The following CCDC192 variants were observed in gnomAD, a reference collection of about 807,000 sequenced individuals.
CCDC192 encodes coiled-coil domain-containing protein 192.
intron 6 of CCDC192, among the ~76,000 whole-genome samples, chr5:127,917,537 T>C (rs1753558374): frequency 6.6e-6 from 1 of 152,202 alleles, no homozygotes; most frequent in Admixed American, 6.5e-5. Context: ...AAAAGCCATT[T>C]AAGGGTTATT....
At chr5:127,871,704 C>T (rs1048140681) in intron 5 of CCDC192, among the ~76,000 whole-genome samples, 2 of 152,202 alleles carry the variant, frequency 1.3e-5, no homozygotes, top group Non-Finnish European at 2.9e-5. Context: ...TGTGTTGACG[C>T]TCTTCTATGA....
intron 6 of CCDC192, among the ~76,000 whole-genome samples, chr5:127,886,115 C>T (rs1440975276): frequency 6.6e-6 from 1 of 152,132 alleles, no homozygotes; most frequent in East Asian, 1.9e-4. Context: ...TTTTCTTAAT[C>T]CCAGAAACTG....
At position 127,747,731 on chromosome 5, in the gene CCDC192, A is replaced by G. The variant is rs1192597364; in HGVS notation, c.115-6537A>G. 1.7e-4 allele frequency among the ~76,000 whole-genome samples: 25 copies of G among 150,518 alleles called. No individual in the cohort carries two copies. The South Asian group carries it at 4.7e-3, about 29-fold the overall frequency. On this transcript the variant is annotated intron_variant, in intron 2 of 6. Transcript: ENST00000514853. Reference sequence around the variant, plus strand: ...AGTTTACAGTCCCACCAACAGTGTAAAAGTGTTCCTATTTCTCCACATCCT... The same window carrying G: ...AGTTTACAGTCCCACCAACAGTGTAGAAGTGTTCCTATTTCTCCACATCCT...
chr5:127,823,465 A>T (rs942836199), intron 5 of CCDC192, among the ~76,000 whole-genome samples: 2 of 152,110 alleles, frequency 1.3e-5, no homozygotes, highest in Admixed American at 6.6e-5. Flanking sequence ...TTCTCTCACC[A>T]CTGATTTTAC....
chr5:127,856,867 G>A (rs764351628), intron 5 of CCDC192, among the ~76,000 whole-genome samples: 15 of 152,098 alleles, frequency 9.9e-5, no homozygotes, highest in Non-Finnish European at 1.9e-4. Context: ...AATAACAATA[G>A]TAATATCAAA....
intron 5 of CCDC192, among the ~76,000 whole-genome samples, chr5:127,875,158 G>A (rs1293060555): frequency 6.6e-6 from 1 of 152,142 alleles, no homozygotes; most frequent in Non-Finnish European, 1.5e-5. Context: ...TATTTCATAT[G>A]AGTCTACTTA....
chr5:127,800,964 C>A (rs1757474798), intron 5 of CCDC192, among the ~76,000 whole-genome samples: 1 of 152,026 alleles, frequency 6.6e-6, no homozygotes, highest in Non-Finnish European at 1.5e-5. Flanking sequence ...TGAGTGAATT[C>A]AGAGCCCCCC....
chr5:127,722,384 C>A (rs572208633), intron 2 of CCDC192, among the ~76,000 whole-genome samples: 1 of 151,946 alleles, frequency 6.6e-6, no homozygotes, highest in South Asian at 2.1e-4. Context: ...GGGTAGTTTG[C>A]AAATATTTTC....
At chr5:127,836,164 G>A (rs1426336192) in intron 5 of CCDC192, among the ~76,000 whole-genome samples, 1 of 152,152 alleles carries the variant, frequency 6.6e-6, no homozygotes, top group Admixed American at 6.5e-5. Flanking sequence ...GAGGTTACAT[G>A]CCCCATGCAA....
intron 2 of CCDC192, among the ~76,000 whole-genome samples, chr5:127,731,196 T>C (rs1245790629): frequency 2.6e-5 from 4 of 152,004 alleles, no homozygotes; most frequent in Admixed American, 6.6e-5. Context: ...TATGCAAAAA[T>C]CACGAGCATT....
chr5:127,791,176 A>G (rs1248597885), intron 3 of CCDC192, among the ~76,000 whole-genome samples: 1 of 152,252 alleles, frequency 6.6e-6, no homozygotes, highest in African/African-American at 2.4e-5. Flanking sequence ...TGTGTACAGC[A>G]AAATAACAAT....
chr5:127,878,934 T>C (rs1256179281), intron 6 of CCDC192, among the ~76,000 whole-genome samples: 2 of 149,350 alleles, frequency 1.3e-5, no homozygotes, highest in Non-Finnish European at 3.0e-5. Context: ...CCCTTGTAAG[T>C]AGGATTCCTA....
chr5:127,931,841 C>T (rs1244762793), intron 6 of CCDC192, among the ~76,000 whole-genome samples: 1 of 152,036 alleles, frequency 6.6e-6, no homozygotes, highest in Non-Finnish European at 1.5e-5. Flanking sequence ...ATTTTTCTAA[C>T]TTTCTGTTTT....
intron 6 of CCDC192, among the ~76,000 whole-genome samples, chr5:127,930,004 G>T (rs554131799): frequency 7.5e-4 from 114 of 152,304 alleles, no homozygotes; most frequent in Non-Finnish European, 1.3e-3. Context: ...AGGAGTTCAA[G>T]ACCAGCCTGA....
chr5:127,782,209 T>C (rs1756267305), intron 3 of CCDC192, among the ~76,000 whole-genome samples: 1 of 152,222 alleles, frequency 6.6e-6, no homozygotes, highest in African/African-American at 2.4e-5. Context: ...GGTGTTGGAT[T>C]TGGTTAACTA....
intron 3 of CCDC192, among the ~76,000 whole-genome samples, chr5:127,790,793 G>A (rs765558105): frequency 6.6e-6 from 1 of 152,200 alleles, no homozygotes; most frequent in Non-Finnish European, 1.5e-5. Context: ...ACAACTGCAA[G>A]ATATCAGAGC....
chr5:127,717,840 G>T (rs1751709533), intron 2 of CCDC192, among the ~76,000 whole-genome samples: 1 of 148,326 alleles, frequency 6.7e-6, no homozygotes, highest in Non-Finnish European at 1.5e-5. Flanking sequence ...AAAAACTTCA[G>T]GCTTGTGGAA....
chr5:127,902,523 C>T (rs1753065816), intron 6 of CCDC192, among the ~76,000 whole-genome samples: 2 of 152,056 alleles, frequency 1.3e-5, no homozygotes, highest in Admixed American at 1.3e-4. Context: ...TGATCATCAC[C>T]CCCGGTTTTC....
At chr5:127,862,120 C>T (rs578224255) in intron 5 of CCDC192, among the ~76,000 whole-genome samples, 25 of 152,202 alleles carry the variant, frequency 1.6e-4, no homozygotes, top group South Asian at 1.0e-3. Context: ...TTCATATCTA[C>T]GCTAAGAAAG....
Sources: gnomAD v4.1 joint callset for allele counts (sites outside exome capture counted in the v4.1 genomes callset) on GRCh38, gnomAD v4.1.1 for gene constraint, MANE v1.5 for transcripts, NCBI Gene and HGNC (gene_info 2026-07-23, HGNC 2026-07-21) for gene names.